The following ERBB4 variants were observed in gnomAD, a reference collection of about 807,000 sequenced individuals.
ERBB4 encodes the protein erb-b2 receptor tyrosine kinase 4, also known as receptor tyrosine-protein kinase erbB-4.
In ERBB4, 42 loss-of-function variants were observed where a neutral mutation model predicts 158.0. That is an observed-to-expected ratio of 0.27 (90% confidence interval 0.21 to 0.34). The LOEUF is 0.34. ERBB4 is among the 10% of genes least tolerant of loss of function. The pLI is 1.00. For missense variants in ERBB4, 1,333 were observed against 1,624.1 expected, an observed-to-expected ratio of 0.82 and a Z score of 3.08; for synonymous variants, 583 against 558.7, an observed-to-expected ratio of 1.04 and a Z score of -0.61.
chr2:212,490,106 T>C lies in ERBB4; in HGVS notation c.82+48343A>G, dbSNP rs571037353. ...AGACCTTCTGTCTAATTCATAAATA[T>C]CTTGCAAGAGCACCTTTGTAAAGGT... On this transcript the variant is annotated intron_variant, in intron 1 of 27. Transcript: ENST00000342788. Among the ~76,000 whole-genome samples the C allele has an allele frequency of 2.6e-5, 4 of 152,024 alleles. No homozygotes were observed. The South Asian group carries it at 6.2e-4, about 24-fold the overall frequency.
At chr2:212,314,147 G>A (rs149209849) in intron 1 of ERBB4, among the ~76,000 whole-genome samples, 10 of 151,258 alleles carry the variant, frequency 6.6e-5, no homozygotes, top group African/African-American at 2.2e-4. Context: ...ATGAAAGCAT[G>A]TTATTAAATT....
rs1346237767 is a variant in ERBB4 at position 211,376,973 on chromosome 2, C to A, written c.*6642G>T. 4.3e-6 allele frequency: 1 copy of A among 233,038 alleles called. No homozygotes were observed. Among genetic ancestry groups the A allele is most frequent in the African/African-American group, 2.2e-5 (1 of 45,266 alleles). 14.4% of individuals were successfully genotyped at this position (233,038 alleles called of 1,614,324 possible). A position where few individuals can be genotyped will look rare whatever the true frequency, so the allele number is the denominator to read the frequency against. ...ATAATCGACCCATTTAACAGCAGTA[C>A]CAGTTTATGCTACATATTTCAAAGT... is the stretch of plus-strand genomic sequence containing the variant. On this transcript the variant is annotated 3_prime_UTR_variant, in exon 28 of 28. Transcript: ENST00000342788.
intron 3 of ERBB4, among the ~76,000 whole-genome samples, chr2:211,849,047 C>T (rs558516102): frequency 6.6e-6 from 1 of 151,962 alleles, no homozygotes; most frequent in African/African-American, 2.4e-5. Context: ...TTTTTAAATC[C>T]CTGCTAATTC....
intron 1 of ERBB4, among the ~76,000 whole-genome samples, chr2:212,394,101 A>G (rs2090956424): frequency 6.6e-6 from 1 of 152,046 alleles, no homozygotes; most frequent in Non-Finnish European, 1.5e-5. Context: ...ATTATTTTCT[A>G]TTGTGCTTGA....
chr2:212,461,664 T>C (rs1265216518), intron 1 of ERBB4, among the ~76,000 whole-genome samples: 1 of 152,018 alleles, frequency 6.6e-6, no homozygotes, highest in Non-Finnish European at 1.5e-5. Context: ...TGGGGAGGCA[T>C]AATTGGTTCC....
At chr2:211,607,118 G>C (rs2069011969) in intron 19 of ERBB4, among the ~76,000 whole-genome samples, 1 of 152,030 alleles carries the variant, frequency 6.6e-6, no homozygotes, top group Non-Finnish European at 1.5e-5. Context: ...TGGGCCCTTA[G>C]ATCTTAATTA....
intron 1 of ERBB4, among the ~76,000 whole-genome samples, chr2:212,190,711 C>A (rs1333099094): frequency 6.6e-6 from 1 of 152,002 alleles, no homozygotes; most frequent in Non-Finnish European, 1.5e-5. Flanking sequence ...AGAGAAGAAA[C>A]CCTGTTAATC....
chr2:212,347,475 A>G (rs1372643436), intron 1 of ERBB4, among the ~76,000 whole-genome samples: 1 of 152,160 alleles, frequency 6.6e-6, no homozygotes, highest in East Asian at 1.9e-4. Context: ...GTTGGATGGA[A>G]TAGAAATAGT....
intron 2 of ERBB4, among the ~76,000 whole-genome samples, chr2:212,110,835 T>C (rs1423394181): frequency 6.6e-6 from 1 of 151,050 alleles, no homozygotes; most frequent in Admixed American, 6.6e-5. Context: ...AGCTGTTTAC[T>C]GAGCTTAACT....
At chr2:212,417,158 G>A (rs577298353) in intron 1 of ERBB4, among the ~76,000 whole-genome samples, 2 of 151,970 alleles carry the variant, frequency 1.3e-5, no homozygotes, top group African/African-American at 4.8e-5. Flanking sequence ...GCTCATTTTA[G>A]TTTTACCTCG....
chr2:211,718,953 GA>G (rs745943629), intron 7 of ERBB4, among the ~76,000 whole-genome samples: 36 of 152,342 alleles, frequency 2.4e-4, no homozygotes, highest in Admixed American at 5.9e-4. Flanking sequence ...AAACAGCTGA[GA>G]AACCAGGGAA....
intron 1 of ERBB4, among the ~76,000 whole-genome samples, chr2:212,129,813 T>C (rs753323646): frequency 6.6e-6 from 1 of 152,116 alleles, no homozygotes; most frequent in Non-Finnish European, 1.5e-5. Context: ...TTGCAGTTTT[T>C]TTTACTACAT....
chr2:212,467,384 A>C (rs1251079716), intron 1 of ERBB4, among the ~76,000 whole-genome samples: 1 of 152,186 alleles, frequency 6.6e-6, no homozygotes, highest in Non-Finnish European at 1.5e-5. Context: ...GGCCAGGCCC[A>C]GAGTCCCTAT....
chr2:211,428,156 G>A (rs1323988346), intron 22 of ERBB4, among the ~76,000 whole-genome samples: 1 of 151,730 alleles, frequency 6.6e-6, no homozygotes, highest in African/African-American at 2.4e-5. Flanking sequence ...AAACCACCAT[G>A]CCACATGTAT....
At chr2:212,094,364 GA>G (rs2078866966) in intron 2 of ERBB4, among the ~76,000 whole-genome samples, 1 of 99,400 alleles carries the variant, frequency 1.0e-5, no homozygotes, top group African/African-American at 2.6e-5. Flanking sequence ...TAGTTTTCCA[GA>G]CAAAATCTAC....
chr2:212,475,023 G>A (rs1183284995), intron 1 of ERBB4, among the ~76,000 whole-genome samples: 1 of 151,794 alleles, frequency 6.6e-6, no homozygotes, highest in East Asian at 1.9e-4. Context: ...GGAATCACAG[G>A]TTTGAGCCAC....
At position 211,719,894 on chromosome 2, in the gene ERBB4, T is replaced by G. The variant is rs555347139; in HGVS notation, c.883+2499A>C. 1.3e-3 allele frequency among the ~76,000 whole-genome samples: 203 copies of G among 150,946 alleles called. 1 individual carries two copies. Among genetic ancestry groups the G allele is most frequent in the African/African-American group, 4.7e-3 (193 of 41,148 alleles). On this transcript the variant is annotated intron_variant, in intron 7 of 27. Coordinates refer to ENST00000342788, the MANE Select transcript of ERBB4 (RefSeq NM_005235.3). Reference sequence around the variant, plus strand: ...AAAAAAAAAAAAAAAAAGGAAAGTGTTTTTGTATTTACTTTTCATTGCTCT... The same window carrying G: ...AAAAAAAAAAAAAAAAAGGAAAGTGGTTTTGTATTTACTTTTCATTGCTCT...
At chr2:212,187,222 TATTAAC>T (rs546730750) in intron 1 of ERBB4, among the ~76,000 whole-genome samples, 38 of 152,052 alleles carry the variant, frequency 2.5e-4, no homozygotes, top group Non-Finnish European at 5.0e-4. Context: ...TGAGTACTAT[TATTAAC>T]ATTGAGACTG....
At chr2:212,031,021 TC>T (rs2076891711) in intron 2 of ERBB4, among the ~76,000 whole-genome samples, 1 of 152,110 alleles carries the variant, frequency 6.6e-6, no homozygotes, top group African/African-American at 2.4e-5. Context: ...ACATCCGTCT[TC>T]TGCCTCATGA....
Sources: gnomAD v4.1 joint callset for allele counts (sites outside exome capture counted in the v4.1 genomes callset) on GRCh38, gnomAD v4.1.1 for gene constraint, MANE v1.5 for transcripts, NCBI Gene and HGNC (gene_info 2026-07-23, HGNC 2026-07-21) for gene names.